The following CAPN13 variants were observed in gnomAD, a reference collection of about 807,000 sequenced individuals.
CAPN13 encodes calpain-13.
A neutral mutation model predicts 98.4 loss-of-function variants in CAPN13; 90 were observed. That is an observed-to-expected ratio of 0.92 (90% CI 0.77 to 1.09). The LOEUF (loss-of-function observed/expected upper bound fraction) is 1.09. Among genes scored for constraint, CAPN13 ranks in the 50% least tolerant of loss-of-function variants. The pLI is 0.00. For missense variants in CAPN13, 887 were observed against 841.3 expected, an observed-to-expected ratio of 1.05 and a Z score of -0.67; for synonymous variants, 330 against 305.5, an observed-to-expected ratio of 1.08 and a Z score of -0.84.
intron 7 of CAPN13, among the ~76,000 whole-genome samples, chr2:30,762,795 G>C (rs918237024): frequency 1.2e-4 from 18 of 152,176 alleles, no homozygotes; most frequent in Non-Finnish European, 2.5e-4. Flanking sequence ...TACCTCCTTT[G>C]GGGCTAATCT....
intron 5 of CAPN13, among the ~76,000 whole-genome samples, chr2:30,769,375 G>C (rs970615874): frequency 3.9e-5 from 6 of 152,114 alleles, no homozygotes; most frequent in African/African-American, 1.4e-4. Flanking sequence ...CGAGCACTTG[G>C]CATTCTCCAG....
rs3738936 is a variant in CAPN13 at position 30,736,280 on chromosome 2, C to G, written c.1722+223G>C. Among the ~76,000 whole-genome samples the G allele has an allele frequency of 2.8e-4, 43 of 152,254 alleles. No individual in the cohort carries two copies. In the East Asian group the frequency reaches 6.0e-3, roughly 21 times the overall value. On this transcript the variant is annotated intron_variant, in intron 18 of 22. Coordinates refer to ENST00000295055, the MANE Select transcript of CAPN13 (RefSeq NM_144575.3). The stretch of plus-strand genomic sequence containing the variant: ...AGCTTACAGAGACAGCATTCTCCTC[C>G]CACCTCCAACGCATCCCTCATTCCG...
intron 1 of CAPN13, among the ~76,000 whole-genome samples, chr2:30,801,807 A>G (rs1191557659): frequency 6.6e-6 from 1 of 152,012 alleles, no homozygotes; most frequent in Non-Finnish European, 1.5e-5. Context: ...AGACGCAGGG[A>G]GGACAAAGTC....
chr2:30,787,851 A>G (rs1013954993), intron 1 of CAPN13, among the ~76,000 whole-genome samples: 2 of 152,088 alleles, frequency 1.3e-5, no homozygotes, highest in Non-Finnish European at 2.9e-5. Flanking sequence ...TATACCCCAT[A>G]AACTCTGCAG....
intron 9 of CAPN13, 120 bp downstream of exon 9, chr2:30,754,170 C>T (rs1009324039): frequency 1.4e-6 from 1 of 712,748 alleles, no homozygotes; most frequent in Non-Finnish European, 2.1e-6. Context: ...AATAGGCTCC[C>T]TCTAAACAGG....
intron 4 of CAPN13, among the ~76,000 whole-genome samples, chr2:30,775,091 T>A (rs1673615084): frequency 6.6e-6 from 1 of 152,158 alleles, no homozygotes; most frequent in African/African-American, 2.4e-5. Flanking sequence ...GATAATATTA[T>A]TAGATAACTA....
chr2:30,752,079 C>T (rs1672201846), intron 10 of CAPN13, among the ~76,000 whole-genome samples: 1 of 152,176 alleles, frequency 6.6e-6, no homozygotes, highest in African/African-American at 2.4e-5. Context: ...AAATTTGCTG[C>T]CCAAGAGTGA....
rs537601648 is a variant in CAPN13, at chr2:30,785,980, T to C, written c.198+1148A>G. Reference sequence around the variant, plus strand: ...AAGCAGCATCCCAAACCCTACCTGATCCCTAACCCTTCCCTTCACCAAAGC... The same window carrying C: ...AAGCAGCATCCCAAACCCTACCTGACCCCTAACCCTTCCCTTCACCAAAGC... On this transcript the variant is annotated intron_variant, in intron 2 of 22. Coordinates refer to ENST00000295055, the MANE Select transcript of CAPN13 (RefSeq NM_144575.3). Among the ~76,000 whole-genome samples the C allele has an allele frequency of 1.2e-4, 19 of 152,222 alleles. 1 individual carries two copies. The South Asian group carries it at 3.9e-3, about 32-fold the overall frequency.
intron 1 of CAPN13, among the ~76,000 whole-genome samples, chr2:30,796,183 T>TATAC (rs1674858741): frequency 7.1e-6 from 1 of 141,214 alleles, no homozygotes; most frequent in African/African-American, 2.9e-5. Flanking sequence ...TATATATATA[T>TATAC]ACATATATAT....
At chr2:30,748,572 T>G (rs551589219) in intron 11 of CAPN13, among the ~76,000 whole-genome samples, 1 of 151,778 alleles carries the variant, frequency 6.6e-6, no homozygotes, top group Non-Finnish European at 1.5e-5. Flanking sequence ...GAGGGGGAGA[T>G]GAAGGGAGCA....
chr2:30,751,929 CTT>C (rs761516778), intron 10 of CAPN13, among the ~76,000 whole-genome samples: 1 of 152,216 alleles, frequency 6.6e-6, no homozygotes, highest in African/African-American at 2.4e-5. Flanking sequence ...CACTGGCTCT[CTT>C]TTCTTTTTCC....
chr2:30,734,355 C>A (rs1409766760), intron 19 of CAPN13, 94 bp downstream of exon 19: 1 of 930,466 alleles, frequency 1.1e-6, no homozygotes, highest in South Asian at 1.4e-5. Context: ...CTCCTGATTG[C>A]CTGGCACTGT....
intron 18 of CAPN13, 70 bp from the exon 19 acceptor site, chr2:30,734,594 G>A: frequency 7.8e-7 from 1 of 1,275,520 alleles, no homozygotes; most frequent in Non-Finnish European, 1.1e-6. Context: ...TTTCCATCCT[G>A]GGAGCTTGCT....
At position 30,787,331 on chromosome 2, in the gene CAPN13, T is replaced by C; in HGVS notation, c.-6A>G. The C allele has an allele frequency of 6.2e-7, 1 of 1,607,566 alleles. No homozygotes were observed. On this transcript the variant is annotated 5_prime_UTR_variant, in exon 2 of 23. Transcript: ENST00000295055. ...GGCTCCTGGTAATACGCCATGACTC[T>C]CCTTAGAAGACTTCCGAGGTCCTTT...
At position 30,757,293 on chromosome 2, in the gene CAPN13, T is replaced by C. The variant is rs540849643; in HGVS notation, c.866+753A>G. ...TGTCCTCTCAGGACTACTGTCTCTT[T>C]CATAGTCAGCAAGGGGCTGGGGGCC... On this transcript the variant is annotated intron_variant, in intron 8 of 22. Transcript: ENST00000295055. 1.1e-4 allele frequency among the ~76,000 whole-genome samples: 16 copies of C among 152,330 alleles called. No individual in the cohort carries two copies. In the East Asian group the frequency reaches 2.7e-3, roughly 26 times the overall value.
chr2:30,764,378 G>T (rs1673007342), intron 5 of CAPN13, 72 bp from the exon 6 acceptor site: 5 of 1,517,292 alleles, frequency 3.3e-6, no homozygotes, highest in Non-Finnish European at 4.5e-6. Flanking sequence ...CTTGTGCACT[G>T]ATCCTCTGCC....
chr2:30,762,269 C>A (rs1449105029), intron 7 of CAPN13, among the ~76,000 whole-genome samples: 1 of 152,188 alleles, frequency 6.6e-6, no homozygotes, highest in Non-Finnish European at 1.5e-5. Flanking sequence ...TTTTCCAGGC[C>A]AGTGATCACA....
chr2:30,745,684 G>C, intron 12 of CAPN13, 39 bp downstream of exon 12: 1 of 1,594,482 alleles, frequency 6.3e-7, no homozygotes, highest in Middle Eastern at 1.7e-4. Context: ...CCAGCAGACA[G>C]CAGCAGAGGC....
At chr2:30,747,297 A>G (rs1345517998) in intron 11 of CAPN13, among the ~76,000 whole-genome samples, 1 of 151,742 alleles carries the variant, frequency 6.6e-6, no homozygotes, top group Non-Finnish European at 1.5e-5. Context: ...CAGTTTAAGT[A>G]GCAGAGCTGG....
Sources: gnomAD v4.1 joint callset for allele counts (sites outside exome capture counted in the v4.1 genomes callset) on GRCh38, gnomAD v4.1.1 for gene constraint, MANE v1.5 for transcripts, NCBI Gene and HGNC (gene_info 2026-07-23, HGNC 2026-07-21) for gene names.